Variants in EYS observed in about 807,000 individuals in gnomAD.
The protein encoded by EYS is protein eyes shut homolog.
EYS carries 250 observed loss-of-function variants against 282.1 expected under a neutral mutation model. That is an observed-to-expected ratio of 0.89 (90% CI 0.80 to 0.98). The LOEUF is 0.98. Among genes scored for constraint, EYS ranks in the 50% least tolerant of loss-of-function variants. The probability of loss-of-function intolerance (pLI) is 0.00; values close to 1 mark genes in which losing one functional copy is unlikely to be tolerated. For synonymous variants in EYS, 1,355 were observed against 1,282.9 expected (o/e 1.06, Z -1.20); for missense variants, 4,016 against 3,709.0 (o/e 1.08, Z -2.15).
intron 22 of EYS, among the ~76,000 whole-genome samples, chr6:64,629,641 G>C (rs1767717791): frequency 6.6e-6 from 1 of 151,996 alleles, no homozygotes; most frequent in Admixed American, 6.6e-5. Context: ...GTTCTAAGTG[G>C]TATATTTGTT....
intron 1 of EYS, among the ~76,000 whole-genome samples, chr6:65,647,662 T>C (rs986175776): frequency 9.2e-5 from 14 of 152,118 alleles, no homozygotes; most frequent in African/African-American, 3.4e-4. Context: ...AAAGATATTG[T>C]AAATAGATGG....
At chr6:65,387,779 A>T (rs1765857673) in intron 7 of EYS, among the ~76,000 whole-genome samples, 3 of 151,868 alleles carry the variant, frequency 2.0e-5, no homozygotes, top group Non-Finnish European at 4.4e-5. Flanking sequence ...CTTTTGATAC[A>T]TTTTTTTCCA....
chr6:65,027,950 T>C (rs1389969086), intron 13 of EYS, among the ~76,000 whole-genome samples: 1 of 152,172 alleles, frequency 6.6e-6, no homozygotes, highest in Non-Finnish European at 1.5e-5. Flanking sequence ...TATGGTAAAG[T>C]GAATACTTAA....
chr6:65,584,146 T>G (rs2127362695), intron 2 of EYS, among the ~76,000 whole-genome samples: 1 of 152,198 alleles, frequency 6.6e-6, no homozygotes, highest in East Asian at 1.9e-4. Context: ...CTACATTAAT[T>G]TAATAACTCA....
intron 33 of EYS, among the ~76,000 whole-genome samples, chr6:64,058,242 T>G (rs981939121): frequency 3.3e-5 from 5 of 151,004 alleles, no homozygotes; most frequent in Admixed American, 6.6e-5. Context: ...TCCCCAGTCA[T>G]GTGGAACTGT....
intron 13 of EYS, among the ~76,000 whole-genome samples, chr6:65,030,518 G>A (rs1237503844): frequency 6.6e-6 from 1 of 152,140 alleles, no homozygotes; most frequent in Non-Finnish European, 1.5e-5. Flanking sequence ...CTGTCCACAT[G>A]CATGTACTCC....
chr6:64,820,330 G>A (rs1390273), intron 21 of EYS, among the ~76,000 whole-genome samples: 6,584 of 151,944 alleles, frequency 0.043, 203 homozygotes, highest in Non-Finnish European at 0.066. Flanking sequence ...ATATATGTAC[G>A]CATGCATATA....
At chr6:63,975,613 C>T (rs1309266156) in intron 35 of EYS, among the ~76,000 whole-genome samples, 6 of 152,058 alleles carry the variant, frequency 3.9e-5, no homozygotes, top group Admixed American at 3.3e-4. Context: ...TCTTGTTAAA[C>T]ATTAAGGACA....
At chr6:65,321,796 C>A (rs1769483555) in intron 11 of EYS, among the ~76,000 whole-genome samples, 1 of 152,276 alleles carries the variant, frequency 6.6e-6, no homozygotes, top group South Asian at 2.1e-4. Context: ...TGGCCATTGC[C>A]TCAAAATCAG....
chr6:64,426,647 G>T (rs1774417211), intron 28 of EYS, among the ~76,000 whole-genome samples: 1 of 152,008 alleles, frequency 6.6e-6, no homozygotes, highest in Admixed American at 6.6e-5. Flanking sequence ...ATGTGAAAAA[G>T]GATGGAGTCT....
At chr6:64,647,326 A>G (rs1768389141) in intron 22 of EYS, among the ~76,000 whole-genome samples, 1 of 152,182 alleles carries the variant, frequency 6.6e-6, no homozygotes. Flanking sequence ...TTCTCACATG[A>G]AAGGCAGTTT....
intron 26 of EYS, among the ~76,000 whole-genome samples, chr6:64,558,447 C>T (rs1765299511): frequency 6.6e-6 from 1 of 152,026 alleles, no homozygotes; most frequent in African/African-American, 2.4e-5. Flanking sequence ...CAACCAAGAA[C>T]TCTTCACCCC....
chr6:65,319,797 T>C (rs1440143557), intron 11 of EYS, among the ~76,000 whole-genome samples: 1 of 152,138 alleles, frequency 6.6e-6, no homozygotes, highest in Non-Finnish European at 1.5e-5. Flanking sequence ...AGTGGCTGCT[T>C]GGTTATCTGA....
chr6:64,875,559 G>A (rs1766722935), intron 19 of EYS, among the ~76,000 whole-genome samples: 2 of 152,022 alleles, frequency 1.3e-5, no homozygotes, highest in South Asian at 4.2e-4. Flanking sequence ...CCCTCTTGAG[G>A]GTCTTTTTCT....
At chr6:64,309,069 AT>A (rs1414639946) in intron 29 of EYS, among the ~76,000 whole-genome samples, 101 of 152,258 alleles carry the variant, frequency 6.6e-4, no homozygotes, top group African/African-American at 2.2e-3. Flanking sequence ...TATTAAAAAA[AT>A]GATCTTATAA....
chr6:65,506,477 T>C (rs1290199324), intron 2 of EYS, among the ~76,000 whole-genome samples: 1 of 14,996 alleles, frequency 6.7e-5, no homozygotes, highest in African/African-American at 2.0e-4. Context: ...TTTTTTTTTT[T>C]TTTTTTTTTT....
chr6:64,607,197 AT>A, intron 24 of EYS, among the ~76,000 whole-genome samples: 1 of 152,192 alleles, frequency 6.6e-6, no homozygotes, highest in Non-Finnish European at 1.5e-5. Context: ...CCTTGCCAGA[AT>A]TTAATTATTT....
At chr6:64,248,066 A>C (rs1247311221) in intron 30 of EYS, among the ~76,000 whole-genome samples, 2 of 152,186 alleles carry the variant, frequency 1.3e-5, no homozygotes, top group East Asian at 3.8e-4. Context: ...GAGGCAAAGA[A>C]GTCTGTGATG....
intron 31 of EYS, among the ~76,000 whole-genome samples, chr6:64,113,572 T>A (rs1773279894): frequency 6.6e-6 from 1 of 152,174 alleles, no homozygotes; most frequent in Admixed American, 6.5e-5. Flanking sequence ...TGACAGCATT[T>A]TAGCAAGATA....
Sources: gnomAD v4.1 joint callset for allele counts (sites outside exome capture counted in the v4.1 genomes callset) on GRCh38, gnomAD v4.1.1 for gene constraint, MANE v1.5 for transcripts, NCBI Gene and HGNC (gene_info 2026-07-23, HGNC 2026-07-21) for gene names.